NKD1: variants seen among roughly 807,000 people sequenced by gnomAD.
NKD1 encodes the protein NKD inhibitor of Wnt signaling pathway 1.
Under a neutral mutation model 56.0 loss-of-function variants are expected in NKD1, and 21 were observed. That is an observed-to-expected ratio of 0.38 (90% CI 0.27 to 0.54). The LOEUF (loss-of-function observed/expected upper bound fraction) is 0.54. NKD1 is among the 20% of genes least tolerant of loss of function. NKD1 has a pLI of 0.82. For synonymous variants in NKD1, 263 were observed against 265.7 expected (o/e 0.99, Z 0.10); for missense variants, 578 against 642.7 (o/e 0.90, Z 1.09).
intron 3 of NKD1, chr16:50,608,062 T>G (rs1961753592): frequency 1.9e-6 from 1 of 534,914 alleles, no homozygotes; most frequent in Admixed American, 3.1e-5. Flanking sequence ...GAAGACCCAG[T>G]GGAGCCATAG....
At chr16:50,606,716 C>G (rs1405683625) in intron 3 of NKD1, 4 of 439,742 alleles carry the variant, frequency 9.1e-6, no homozygotes, top group African/African-American at 2.0e-5. Context: ...GCAGTGCAGT[C>G]AGGGTGGCAG....
At position 50,574,999 on chromosome 16, in the gene NKD1, G is replaced by A. The variant is rs572470266; in HGVS notation, c.192+25444G>A. ...AAGCATAACCCTGGTGCTTCTCACA[G>A]CTTGATTTAATACAGCTTGAATACA... On this transcript the variant is annotated intron_variant, in intron 3 of 9. Coordinates refer to ENST00000268459, the MANE Select transcript of NKD1 (RefSeq NM_033119.5). The A allele has an allele frequency of 1.5e-4, 145 of 985,154 alleles. No homozygotes were observed. The African/African-American group carries it at 2.2e-3, about 15-fold the overall frequency. 61.0% of individuals were successfully genotyped at this position (985,154 alleles called of 1,614,324 possible).
rs909634239 is a variant in NKD1 at position 50,641,459 on chromosome 16, A to C, written c.*7678A>C. On this transcript the variant is annotated 3_prime_UTR_variant, in exon 10 of 10. Transcript: ENST00000268459. ...TCAAGGGTTTCAAAAATTTTTAATT[A>C]ATTTCCAAAATCTGAGGGTTTCACC... 6.6e-6 allele frequency: 1 copy of C among 152,178 alleles called. No individual in the cohort carries two copies. The highest frequency in any genetic ancestry group is 2.4e-5 in the African/African-American group (1 of 41,442). The allele number at this position is 152,178 out of a possible 1,614,324, so 9.4% of individuals were successfully genotyped here. A position where few individuals can be genotyped will look rare whatever the true frequency, so the allele number is the denominator to read the frequency against.
chr16:50,632,459 G>A lies in NKD1; in HGVS notation c.823+51G>A. ...GGGCGATGAGGGCAGGGCGTGGCTGGACGGGCCAGGCGGGCCGTGCGGGTG... is the reference window on the plus strand; with the variant it reads ...GGGCGATGAGGGCAGGGCGTGGCTGAACGGGCCAGGCGGGCCGTGCGGGTG... On this transcript the variant is annotated intron_variant, in intron 9 of 9. Transcript: ENST00000268459. The surrounding 1 kb of genome is among the most constrained non-coding windows in gnomAD (Gnocchi z 4.1). 2 of 1,606,414 alleles carry A rather than the reference G, an allele frequency of 1.2e-6. No individual in the cohort carries two copies. Among genetic ancestry groups the A allele is most frequent in the Non-Finnish European group, 1.7e-6 (2 of 1,173,836 alleles).
intron 4 of NKD1, chr16:50,608,597 G>A: frequency 1.7e-6 from 1 of 578,938 alleles, no homozygotes; most frequent in Non-Finnish European, 3.1e-6. Context: ...CCATGTCCTG[G>A]CCCTGCACCG....
intron 4 of NKD1, among the ~76,000 whole-genome samples, chr16:50,617,913 T>C (rs1339172060): frequency 1.3e-5 from 2 of 152,216 alleles, no homozygotes; most frequent in Non-Finnish European, 2.9e-5. Context: ...GACTTTTTCA[T>C]GAAGGGCCGG....
rs1962671252 is a variant in NKD1 at position 50,646,009 on chromosome 16, C to G, written c.*12228C>G. On this transcript the variant is annotated 3_prime_UTR_variant, in exon 10 of 10. Transcript: ENST00000268459. ...ACTTAAACGTGGGGGATTTAAAAGGCCCCTATGTTCCCACTTTGTGCTTTG... is the reference window on the plus strand; with the variant it reads ...ACTTAAACGTGGGGGATTTAAAAGGGCCCTATGTTCCCACTTTGTGCTTTG... 1 of 151,834 alleles carries G rather than the reference C, an allele frequency of 6.6e-6. No homozygotes were observed. Among genetic ancestry groups the G allele is most frequent in the African/African-American group, 2.4e-5 (1 of 41,288 alleles). The allele number at this position is 151,834 out of a possible 1,614,324, so 9.4% of individuals were successfully genotyped here.
chr16:50,632,072 G>A lies in NKD1; in HGVS notation c.696-209G>A, dbSNP rs1478832723. ...AAGCTGCGGGGAGGTCGGGCTGTGG[G>A]CTGTGGTCTATGGTCTGTCTCTCCA... On this transcript the variant is annotated intron_variant, in intron 8 of 9. Transcript: ENST00000268459. This position sits in a 1 kb window ranked among gnomAD's most constrained non-coding sequence, Gnocchi z 4.1. Among the ~76,000 whole-genome samples, 1 of 152,228 alleles carries A rather than the reference G, an allele frequency of 6.6e-6. No homozygotes were observed. Among genetic ancestry groups the A allele is most frequent in the Non-Finnish European group, 1.5e-5 (1 of 68,036 alleles).
rs1962670332 is a variant in NKD1 at position 50,645,972 on chromosome 16, G to A, written c.*12191G>A. On this transcript the variant is annotated 3_prime_UTR_variant, in exon 10 of 10. Coordinates refer to ENST00000268459, the MANE Select transcript of NKD1 (RefSeq NM_033119.5). ...CTGCCAGGAGAGGGGAAAGGAGGGA[G>A]GCATGATATTGACTTAAACGTGGGG... The A allele has an allele frequency of 6.6e-6, 1 of 152,158 alleles. No individual in the cohort carries two copies. The highest frequency in any genetic ancestry group is 1.5e-5 in the Non-Finnish European group (1 of 68,036). 9.4% of individuals were successfully genotyped at this position (152,158 alleles called of 1,614,324 possible).
chr16:50,618,742 T>C (rs900116136), intron 4 of NKD1, among the ~76,000 whole-genome samples: 188 of 152,176 alleles, frequency 1.2e-3, no homozygotes, highest in Non-Finnish European at 1.0e-4. Context: ...CCCTGGCGGG[T>C]TCACTGACCG....
intron 4 of NKD1, among the ~76,000 whole-genome samples, chr16:50,614,196 A>G (rs544215827): frequency 3.9e-5 from 6 of 152,152 alleles, no homozygotes; most frequent in African/African-American, 7.2e-5. Flanking sequence ...GGTTTTTCCT[A>G]AAAAGCAGGA....
chr16:50,589,689 TTTCTTTTCTCTTCTC>T (rs1399976799), intron 3 of NKD1, among the ~76,000 whole-genome samples: 98 of 147,218 alleles, frequency 6.7e-4, no homozygotes, highest in East Asian at 2.6e-3. Context: ...AATGCTTTCT[TTTCTTTTCTCTTCTC>T]TTCTCTTCTC....
intron 3 of NKD1, among the ~76,000 whole-genome samples, chr16:50,599,747 C>T (rs1961553033): frequency 6.6e-6 from 1 of 152,186 alleles, no homozygotes; most frequent in Non-Finnish European, 1.5e-5. Context: ...GTCAGACAAA[C>T]AGCAAAGTCT....
rs1156508382 is a variant in NKD1 at position 50,638,160 on chromosome 16, G to C, written c.*4379G>C. 6.6e-6 allele frequency: 1 copy of C among 152,218 alleles called. No individual in the cohort carries two copies. Among genetic ancestry groups the C allele is most frequent in the Admixed American group, 6.5e-5 (1 of 15,284 alleles). 9.4% of individuals were successfully genotyped at this position (152,218 alleles called of 1,614,324 possible). ...GGAGGGGAAGTCTGCCTGCATCTTG[G>C]TGTGTCTGTCAGATGCCAGCACTAA... On this transcript the variant is annotated 3_prime_UTR_variant, in exon 10 of 10. Transcript: ENST00000268459.
intron 3 of NKD1, among the ~76,000 whole-genome samples, chr16:50,597,075 G>A (rs933643689): frequency 6.6e-6 from 1 of 151,210 alleles, no homozygotes; most frequent in Non-Finnish European, 1.5e-5. Flanking sequence ...TTGGGGAATT[G>A]GGTAGGGGTT....
Position 50,630,457 on chromosome 16 carries a change from G to A in NKD1, c.610+124G>A, listed in dbSNP as rs560067794. The stretch of plus-strand genomic sequence containing the variant: ...TGGGGCAGCTGCTTTGTGGACAGGT[G>A]GGGTTCAAATGGGTCCTTGAAAGGG... On this transcript the variant is annotated intron_variant, in intron 7 of 9. Coordinates refer to ENST00000268459, the MANE Select transcript of NKD1 (RefSeq NM_033119.5). The A allele has an allele frequency of 2.1e-5, 23 of 1,084,464 alleles. No homozygotes were observed. In the East Asian group the frequency reaches 5.6e-4, roughly 26 times the overall value. The allele number at this position is 1,084,464 out of a possible 1,614,324, so 67.2% of individuals were successfully genotyped here. A position where few individuals can be genotyped will look rare whatever the true frequency, so the allele number is the denominator to read the frequency against.
chr16:50,595,252 T>C (rs1007506517), intron 3 of NKD1, among the ~76,000 whole-genome samples: 5 of 152,198 alleles, frequency 3.3e-5, no homozygotes, highest in African/African-American at 1.2e-4. Context: ...CTGTCCCTTT[T>C]TGAGCCCTTA....
At chr16:50,617,887 C>G (rs1301344401) in intron 4 of NKD1, among the ~76,000 whole-genome samples, 2 of 152,198 alleles carry the variant, frequency 1.3e-5, no homozygotes, top group Non-Finnish European at 2.9e-5. Flanking sequence ...ACATCTAAAG[C>G]AGCAATCAAT....
Position 50,639,128 on chromosome 16 carries a change from G to GGT in NKD1, c.*5349_*5350dup, listed in dbSNP as rs1962528526. Reference sequence around the variant, plus strand: ...GGTCCCACCTCTGATGATGCTGAGTGGTGGGTCTGGGGTGTGGCCCAGGCA... The same window carrying GGT: ...GGTCCCACCTCTGATGATGCTGAGTGGTGTGGGTCTGGGGTGTGGCCCAGGCA... On this transcript the variant is annotated 3_prime_UTR_variant, in exon 10 of 10. Transcript: ENST00000268459. 1 of 152,182 alleles carries GGT rather than the reference G, an allele frequency of 6.6e-6. No individual in the cohort carries two copies. The highest frequency in any genetic ancestry group is 1.5e-5 in the Non-Finnish European group (1 of 68,058). The allele number at this position is 152,182 out of a possible 1,614,324, so 9.4% of individuals were successfully genotyped here.
Sources: gnomAD v4.1 joint callset for allele counts (sites outside exome capture counted in the v4.1 genomes callset) on GRCh38, gnomAD v4.1.1 for gene constraint, Gnocchi (gnomAD v3.1) non-coding constraint, MANE v1.5 for transcripts, NCBI Gene and HGNC (gene_info 2026-07-23, HGNC 2026-07-21) for gene names.